Variants in TPPP observed in about 807,000 individuals in gnomAD.
The protein encoded by TPPP is tubulin polymerization-promoting protein.
In TPPP, 6 loss-of-function variants were observed where a neutral mutation model predicts 15.5. The ratio of observed to expected loss-of-function variants is 0.39; its 90% CI spans 0.21 to 0.77. The LOEUF (loss-of-function observed/expected upper bound fraction) is 0.77, where lower values mean the gene tolerates loss of function less well. TPPP is among the 30% of genes least tolerant of loss of function. TPPP has a pLI of 0.42. For missense variants in TPPP, 269 were observed against 307.2 expected, an observed-to-expected ratio of 0.88 and a Z score of 0.93; for synonymous variants, 146 against 133.9, an observed-to-expected ratio of 1.09 and a Z score of -0.63.
In TPPP at chr5:678,003, C is replaced by T; in HGVS notation, c.58G>A (p.Gly20Arg). ...GCTGCCCGGTCCTTCGAGGGGTCCC[C>T]CGGGGACTTGGGGGGCGTCCTGTTG... ...AANRTPPKSP[G>R]DPSKDRAAKR... The change falls in exon 2 of 4, where the codon GGG becomes AGG. Residue 20 changes from glycine (G) to arginine (R), a missense_variant. Physicochemically the swap from Gly to Arg is moderately radical, Grantham distance 125 (BLOSUM62 -2). Coordinates refer to ENST00000360578, the MANE Select transcript of TPPP (RefSeq NM_007030.3). 6.2e-7 allele frequency: 1 copy of T among 1,605,396 alleles called. No homozygotes were observed. The highest frequency in any genetic ancestry group is 8.5e-7 in the Non-Finnish European group (1 of 1,176,460).
At chr5:671,168 A>G (rs963909692) in intron 2 of TPPP, among the ~76,000 whole-genome samples, 1 of 150,356 alleles carries the variant, frequency 6.7e-6, no homozygotes, top group African/African-American at 2.5e-5. Flanking sequence ...GGATCAGCGC[A>G]CTGTCTCCCT....
chr5:666,087 G>C lies in TPPP; in HGVS notation c.348C>G (p.Phe116Leu). 1 of 1,612,268 alleles carries C rather than the reference G, an allele frequency of 6.2e-7. No homozygotes were observed. The highest frequency in any genetic ancestry group is 8.5e-7 in the Non-Finnish European group (1 of 1,179,806). The stretch of plus-strand genomic sequence containing the variant: ...TGGCGAGCTCCTCCAGCGCCTCCTG[G>C]AACTGCTCAAAGGTGATGGTCCGGC... ...KSCRTITFEQ[F>L]QEALEELAKK... The change falls in exon 3 of 4, where the codon TTC becomes TTG. Residue 116 changes from phenylalanine (F) to leucine (L), a missense_variant. Coordinates refer to ENST00000360578, the MANE Select transcript of TPPP (RefSeq NM_007030.3).
At chr5:670,187 G>A (rs1740162725) in intron 2 of TPPP, among the ~76,000 whole-genome samples, 1 of 152,096 alleles carries the variant, frequency 6.6e-6, no homozygotes, top group Non-Finnish European at 1.5e-5. Context: ...ACTGAGGCCT[G>A]TTCCTCCGGG....
rs1459712951 is a variant in TPPP, at chr5:663,267, T to C, written c.*1835A>G. The C allele has an allele frequency of 6.6e-6, 1 of 152,460 alleles. No homozygotes were observed. Among genetic ancestry groups the C allele is most frequent in the Non-Finnish European group, 1.5e-5 (1 of 68,094 alleles). 9.4% of individuals were successfully genotyped at this position (152,460 alleles called of 1,614,324 possible). A position where few individuals can be genotyped will look rare whatever the true frequency, so the allele number is the denominator to read the frequency against. On this transcript the variant is annotated 3_prime_UTR_variant, in exon 4 of 4. Coordinates refer to ENST00000360578, the MANE Select transcript of TPPP (RefSeq NM_007030.3). ...GTTGTTTTCAAATGTTTCCGCACGTTAGTTCTGCCTTTCACACGCGGTCCA... is the reference window on the plus strand; with the variant it reads ...GTTGTTTTCAAATGTTTCCGCACGTCAGTTCTGCCTTTCACACGCGGTCCA...
At chr5:666,212 A>G (rs1049947870) in intron 2 of TPPP, 89 bp from the exon 3 acceptor site, 4 of 1,443,082 alleles carry the variant, frequency 2.8e-6, no homozygotes, top group South Asian at 1.3e-5. Flanking sequence ...CTGGACAGCC[A>G]TGGCCCAGCA....
chr5:669,643 C>T (rs1270487004), intron 2 of TPPP, among the ~76,000 whole-genome samples: 8 of 152,156 alleles, frequency 5.3e-5, no homozygotes, highest in African/African-American at 1.9e-4. Context: ...GCACCACCAG[C>T]ATGAGTCACT....
chr5:670,304 G>C (rs151211160), intron 2 of TPPP, among the ~76,000 whole-genome samples: 1 of 152,144 alleles, frequency 6.6e-6, no homozygotes, highest in African/African-American at 2.4e-5. Flanking sequence ...GCCGGCGGGC[G>C]AGGTGACAGC....
Position 664,917 on chromosome 5 carries a change from G to T in TPPP, c.*185C>A. On this transcript the variant is annotated 3_prime_UTR_variant, in exon 4 of 4. Transcript: ENST00000360578. Reference sequence around the variant, plus strand: ...CTGGGGCCCAAACCTGGTTTGAGAGGGGAGTGCTGGGGGCATCCGGTAGGA... The same window carrying T: ...CTGGGGCCCAAACCTGGTTTGAGAGTGGAGTGCTGGGGGCATCCGGTAGGA... 1 of 638,198 alleles carries T rather than the reference G, an allele frequency of 1.6e-6. No homozygotes were observed. The highest frequency in any genetic ancestry group is 2.7e-6 in the Non-Finnish European group (1 of 374,744). The allele number at this position is 638,198 out of a possible 1,614,324, so 39.5% of individuals were successfully genotyped here. A position where few individuals can be genotyped will look rare whatever the true frequency, so the allele number is the denominator to read the frequency against.
the TPPP span, among the ~76,000 whole-genome samples, chr5:699,332 C>A: frequency 2.6e-5 from 4 of 151,996 alleles, no homozygotes; most frequent in African/African-American, 9.6e-5. Flanking sequence ...GAAATAAAGA[C>A]ACAAAGTCAA....
intron 1 of TPPP, among the ~76,000 whole-genome samples, chr5:682,081 G>A (rs1740639660): frequency 6.6e-6 from 1 of 151,132 alleles, no homozygotes; most frequent in Middle Eastern, 3.2e-3. Context: ...CCTTCAGACT[G>A]GACACTGGAC....
intron 2 of TPPP, chr5:667,267 C>T (rs923313365): frequency 5.3e-5 from 8 of 152,222 alleles, no homozygotes; most frequent in Non-Finnish European, 1.2e-4. Context: ...TCTGGCTCAG[C>T]CACATGCATG....
At chr5:670,653 G>A (rs764396942) in intron 2 of TPPP, among the ~76,000 whole-genome samples, 5 of 152,092 alleles carry the variant, frequency 3.3e-5, no homozygotes, top group African/African-American at 4.8e-5. Flanking sequence ...ACGTCGCTCC[G>A]AGTTCTCACT....
chr5:671,139 C>T (rs1367210002), intron 2 of TPPP, among the ~76,000 whole-genome samples: 3 of 152,182 alleles, frequency 2.0e-5, no homozygotes, highest in African/African-American at 7.2e-5. Context: ...AGGCTCCCCC[C>T]TGCCTGAGGG....
chr5:669,091 CA>C (rs1186732836), intron 2 of TPPP, among the ~76,000 whole-genome samples: 2 of 152,262 alleles, frequency 1.3e-5, no homozygotes, highest in African/African-American at 4.8e-5. Context: ...TCCCACAGCT[CA>C]GACCCTCACG....
In TPPP at chr5:677,984, C is replaced by T. The variant is rs371401446; in HGVS notation, c.77G>A (p.Arg26Gln). 1.1e-5 allele frequency: 17 copies of T among 1,608,948 alleles called. No individual in the cohort carries two copies. Among genetic ancestry groups the T allele is most frequent in the South Asian group, 8.8e-5 (8 of 90,484 alleles). Residue 26 changes from arginine (R) to glutamine (Q), a missense_variant, in exon 2 of 4, where the codon CGG becomes CAG. Coordinates refer to ENST00000360578, the MANE Select transcript of TPPP (RefSeq NM_007030.3). The stretch of plus-strand genomic sequence containing the variant: ...TTCCAGCGACAGCCTCTTGGCTGCC[C>T]GGTCCTTCGAGGGGTCCCCCGGGGA... ...PKSPGDPSKD[R>Q]AAKRLSLESE...
At chr5:672,993 G>GC (rs1740276087) in intron 2 of TPPP, among the ~76,000 whole-genome samples, 1 of 152,172 alleles carries the variant, frequency 6.6e-6, no homozygotes, top group African/African-American at 2.4e-5. Context: ...ATGGCAACCT[G>GC]CCCTGAAAAC....
At chr5:683,417 G>C (rs916253657) in intron 1 of TPPP, among the ~76,000 whole-genome samples, 19 of 152,218 alleles carry the variant, frequency 1.2e-4, no homozygotes, top group Admixed American at 9.2e-4. Flanking sequence ...TGTTAACTCA[G>C]GTTCCCAGGA....
upstream of TPPP, among the ~76,000 whole-genome samples, chr5:697,174 G>T (rs947781860): frequency 2.0e-4 from 27 of 133,454 alleles, no homozygotes; most frequent in African/African-American, 7.1e-4. Context: ...GGGTCTTGCT[G>T]CCAGGGAGCG....
chr5:665,119 C>T lies in TPPP; in HGVS notation c.643G>A (p.Val215Met), dbSNP rs1195057918. Reference sequence around the variant, plus strand: ...AGCGGGGGCTACTTGCCCCCTTGCACCTTCTGGTCGTAGGTGCCTGCGTGC... The same window carrying T: ...AGCGGGGGCTACTTGCCCCCTTGCATCTTCTGGTCGTAGGTGCCTGCGTGC... Reference protein sequence around the residue: ...YKHAGTYDQKVQGGK With the variant: ...YKHAGTYDQKMQGGK The change falls in exon 4 of 4, where the codon GTG (valine) becomes ATG (methionine). Residue 215 changes from valine to methionine, a missense_variant. Val to Met is a conservative substitution (Grantham distance 21). Coordinates refer to ENST00000360578, the MANE Select transcript of TPPP (RefSeq NM_007030.3). The T allele has an allele frequency of 2.5e-6, 4 of 1,611,526 alleles. No homozygotes were observed. The highest frequency in any genetic ancestry group is 3.4e-6 in the Non-Finnish European group (4 of 1,179,952).
Sources: gnomAD v4.1 joint callset for allele counts (sites outside exome capture counted in the v4.1 genomes callset) on GRCh38, gnomAD v4.1.1 for gene constraint, MANE v1.5 for transcripts, NCBI Gene and HGNC (gene_info 2026-07-23, HGNC 2026-07-21) for gene names.